CRYBG3: variants seen among roughly 807,000 people sequenced by gnomAD.
CRYBG3 encodes very large A-kinase anchor protein.
CRYBG3 carries 127 observed loss-of-function variants against 244.2 expected under a neutral mutation model. The observed-to-expected ratio is 0.52, with a 90% confidence interval of 0.45 to 0.60. The LOEUF (loss-of-function observed/expected upper bound fraction) is 0.60, where lower values mean the gene tolerates loss of function less well. CRYBG3 is among the 20% of genes least tolerant of loss of function. CRYBG3 has a pLI of 0.00. For synonymous variants in CRYBG3, 1,132 were observed against 1,195.8 expected (o/e 0.95, Z 1.10); for missense variants, 3,325 against 3,442.5 (o/e 0.97, Z 0.85).
intron 1 of CRYBG3, among the ~76,000 whole-genome samples, chr3:97,823,026 A>G (rs1256839970): frequency 6.6e-6 from 1 of 152,224 alleles, no homozygotes; most frequent in Non-Finnish European, 1.5e-5. Context: ...TCAAGTTCCC[A>G]AACAGATTCT....
chr3:97,853,609 TTTTAG>T (rs2039020948), intron 2 of CRYBG3, among the ~76,000 whole-genome samples: 1 of 152,206 alleles, frequency 6.6e-6, no homozygotes, highest in Admixed American at 6.5e-5. Flanking sequence ...GTAGATCTAC[TTTTAG>T]TTGTTTAAGA....
At chr3:97,920,896 TTCTG>T (rs1323953520) in intron 17 of CRYBG3, among the ~76,000 whole-genome samples, 1 of 152,172 alleles carries the variant, frequency 6.6e-6, no homozygotes, top group South Asian at 2.1e-4. Flanking sequence ...TAGAGCCTCA[TTCTG>T]TCTTTCTAAA....
rs1468123315 is a variant in CRYBG3 at position 97,919,058 on chromosome 3, A to G, written c.8241+3322A>G. On this transcript the variant is annotated intron_variant, in intron 17 of 21. Transcript: ENST00000389622. ...ATCTATCAGAGATGTATAAACTCAT[A>G]GAGGTGTTCTCTGTTACTAGATTTT... 5.3e-5 allele frequency among the ~76,000 whole-genome samples: 8 copies of G among 152,316 alleles called. No individual in the cohort carries two copies. In the East Asian group the frequency reaches 1.5e-3, roughly 29 times the overall value.
At chr3:97,870,219 G>A (rs1434723375) in intron 3 of CRYBG3, among the ~76,000 whole-genome samples, 1 of 152,064 alleles carries the variant, frequency 6.6e-6, no homozygotes, top group Non-Finnish European at 1.5e-5. Context: ...TGAGGGTTTG[G>A]TGTACAGATT....
chr3:97,865,855 G>A (rs767394639), intron 3 of CRYBG3, among the ~76,000 whole-genome samples: 1 of 152,050 alleles, frequency 6.6e-6, no homozygotes, highest in Non-Finnish European at 1.5e-5. Context: ...GCAATGGAAG[G>A]TATCAATAAA....
intron 15 of CRYBG3, among the ~76,000 whole-genome samples, chr3:97,905,379 A>G (rs1262788939): frequency 6.6e-6 from 1 of 151,674 alleles, no homozygotes. Context: ...AAGTGTTCCT[A>G]TTTCTTCACA....
rs1003528810 is a variant in CRYBG3 at position 97,877,474 on chromosome 3, T to C, written c.6280T>C (p.Ser2094Pro). Residue 2094 changes from serine (S) to proline (P), a missense_variant, in exon 4 of 22, where the codon TCA (serine) becomes CCA (proline). Transcript: ENST00000389622. ...GTCTCCCATTTATGAGGATGACAGC[T>C]CACAGGAGGACATTCTATCTAGTGA... ...ALSPIYEDDSSQEDILSSEVS... is the reference protein window; with the variant it reads ...ALSPIYEDDSPQEDILSSEVS... The C allele has an allele frequency of 1.9e-6, 3 of 1,614,182 alleles. No homozygotes were observed. The highest frequency in any genetic ancestry group is 1.1e-5 in the South Asian group (1 of 91,078).
chr3:97,910,108 C>T (rs2039848454), intron 15 of CRYBG3, among the ~76,000 whole-genome samples: 1 of 151,700 alleles, frequency 6.6e-6, no homozygotes, highest in Non-Finnish European at 1.5e-5. Context: ...TGCCCGTTCT[C>T]AGATCTCCAG....
At chr3:97,867,018 G>A (rs1467239442) in intron 3 of CRYBG3, 1 of 152,142 alleles carries the variant, frequency 6.6e-6, no homozygotes, top group Non-Finnish European at 1.5e-5. Context: ...ATATGCCTAA[G>A]AATTATAATT....
rs952470340 is a variant in CRYBG3 at position 97,822,046 on chromosome 3, T to C, written c.-161T>C. On this transcript the variant is annotated 5_prime_UTR_variant, in exon 1 of 22. Transcript: ENST00000389622. ...GCTGCCGCGCGAGGAGCGCGTCGCG[T>C]CCGCACTTCTCCTGCCCGAGAGAGA... 2.5e-5 allele frequency: 12 copies of C among 488,834 alleles called. No homozygotes were observed. Among genetic ancestry groups the C allele is most frequent in the African/African-American group, 1.2e-4 (6 of 50,276 alleles). The allele number at this position is 488,834 out of a possible 1,614,324, so 30.3% of individuals were successfully genotyped here. A position where few individuals can be genotyped will look rare whatever the true frequency, so the allele number is the denominator to read the frequency against.
intron 10 of CRYBG3, 141 bp from the exon 11 acceptor site, chr3:97,892,719 C>G (rs1381449149): frequency 2.0e-6 from 1 of 500,582 alleles, no homozygotes; most frequent in East Asian, 3.6e-5. Flanking sequence ...TGTAATACAC[C>G]TTTTCCATGA....
chr3:97,883,198 TA>T (rs2039469991), intron 7 of CRYBG3, among the ~76,000 whole-genome samples: 1 of 152,142 alleles, frequency 6.6e-6, no homozygotes, highest in African/African-American at 2.4e-5. Context: ...TTTGGTGGCC[TA>T]GTATACTGCA....
Position 97,875,329 on chromosome 3 carries a change from G to A in CRYBG3, c.4135G>A (p.Glu1379Lys). 1 of 1,431,346 alleles carries A rather than the reference G, an allele frequency of 7.0e-7. No individual in the cohort carries two copies. The highest frequency in any genetic ancestry group is 2.5e-5 in the East Asian group (1 of 39,516). 88.7% of individuals were successfully genotyped at this position (1,431,346 alleles called of 1,614,324 possible). A position where few individuals can be genotyped will look rare whatever the true frequency, so the allele number is the denominator to read the frequency against. ...TQISENKVLN[E>K]FFSLSNLASG... ...AATTAGTGAAAATAAAGTATTAAAT[G>A]AATTCTTCTCCCTAAGTAACTTAGC... The change falls in exon 4 of 22, where the codon GAA becomes AAA. Residue 1379 changes from glutamate to lysine, a missense_variant. Transcript: ENST00000389622.
chr3:97,883,929 G>T (rs1370535225), intron 7 of CRYBG3, among the ~76,000 whole-genome samples: 3 of 151,930 alleles, frequency 2.0e-5, no homozygotes, highest in African/African-American at 7.3e-5. Flanking sequence ...TTGTTATATT[G>T]GTGTAGTCAA....
intron 2 of CRYBG3, among the ~76,000 whole-genome samples, chr3:97,849,941 A>C (rs777688472): frequency 3.3e-5 from 5 of 151,862 alleles, no homozygotes; most frequent in Non-Finnish European, 5.9e-5. Context: ...GCCCTGGTTG[A>C]TTTGATTTCT....
At chr3:97,861,338 G>A (rs1338142493) in intron 2 of CRYBG3, among the ~76,000 whole-genome samples, 2 of 152,194 alleles carry the variant, frequency 1.3e-5, no homozygotes, top group East Asian at 3.9e-4. Flanking sequence ...GTCTTCCATT[G>A]TGTACATATC....
At chr3:97,922,024 A>G (rs993999592) in intron 17 of CRYBG3, among the ~76,000 whole-genome samples, 1 of 152,226 alleles carries the variant, frequency 6.6e-6, no homozygotes, top group African/African-American at 2.4e-5. Context: ...CTGTGATAAC[A>G]TAAATGATCT....
intron 15 of CRYBG3, among the ~76,000 whole-genome samples, chr3:97,907,398 C>G (rs1423177572): frequency 5.8e-4 from 86 of 148,066 alleles, no homozygotes; most frequent in African/African-American, 6.5e-4. Flanking sequence ...GGTTGGTAAT[C>G]TATTGATTAT....
chr3:97,863,976 C>T (rs571911106), intron 2 of CRYBG3, among the ~76,000 whole-genome samples: 7 of 152,228 alleles, frequency 4.6e-5, no homozygotes, highest in African/African-American at 1.4e-4. Flanking sequence ...ACTAGTTGCT[C>T]GTGCTCTGGG....
Sources: allele counts gnomAD v4.1 joint callset (sites outside exome capture counted in the v4.1 genomes callset), GRCh38; gene constraint gnomAD v4.1.1; transcripts MANE v1.5; gene names NCBI Gene and HGNC (gene_info 2026-07-23, HGNC 2026-07-21).